Variants in VPS13C observed in about 807,000 individuals in gnomAD.
VPS13C encodes the protein vacuolar protein sorting 13 homolog C.
VPS13C carries 358 observed loss-of-function variants against 456.8 expected under a neutral mutation model. That is an observed-to-expected ratio of 0.78 (90% CI 0.72 to 0.86). VPS13C has a LOEUF of 0.86. Among genes scored for constraint, VPS13C ranks in the 40% least tolerant of loss-of-function variants. VPS13C has a pLI of 0.00. For missense variants in VPS13C, 4,818 were observed against 4,385.4 expected (o/e 1.10, Z -2.79); for synonymous variants, 1,578 against 1,486.7 (o/e 1.06, Z -1.41).
In VPS13C at chr15:61,925,496, T is replaced by C. The variant is rs2140200650; in HGVS notation, c.6569A>G (p.Lys2190Arg). ...FMEKCTWASG[K>R]QNINIMVKEF... is the part of the protein sequence containing the mutation. The stretch of plus-strand genomic sequence containing the variant: ...TTTAACCATAATATTTATATTTTGC[T>C]TTCCTGAAGCCCACGTACATTTTTC... Residue 2190 changes from lysine (K) to arginine (R), a missense_variant, in exon 53 of 85, where the codon AAG becomes AGG. Lys to Arg is a conservative substitution (Grantham distance 26). Coordinates refer to ENST00000644861, the MANE Select transcript of VPS13C (RefSeq NM_020821.3). The C allele has an allele frequency of 6.2e-7, 1 of 1,604,662 alleles. No homozygotes were observed. The highest frequency in any genetic ancestry group is 1.7e-5 in the Admixed American group (1 of 58,878).
chr15:61,882,924 A>G (rs993671128), intron 68 of VPS13C, among the ~76,000 whole-genome samples, 188 bp from the exon 69 acceptor site: 3 of 152,152 alleles, frequency 2.0e-5, no homozygotes, highest in Non-Finnish European at 1.5e-5. Context: ...AGTTATTAGA[A>G]AAAAAAGATC....
Position 61,917,653 on chromosome 15 carries a change from A to C in VPS13C, c.7761-18T>G. The C allele has an allele frequency of 6.2e-7, 1 of 1,601,664 alleles. No individual in the cohort carries two copies. The highest frequency in any genetic ancestry group is 1.1e-5 in the South Asian group (1 of 89,940). Reference sequence around the variant, plus strand: ...ATTGACATCTGCAGAAAGAGGAAACAGTGACAATAAAGTTTTGATCCACAA... The same window carrying C: ...ATTGACATCTGCAGAAAGAGGAAACCGTGACAATAAAGTTTTGATCCACAA... On this transcript the variant is annotated intron_variant, in intron 59 of 84. Coordinates refer to ENST00000644861, the MANE Select transcript of VPS13C (RefSeq NM_020821.3).
chr15:61,975,805 C>T (rs2045685574), intron 24 of VPS13C, among the ~76,000 whole-genome samples: 1 of 151,918 alleles, frequency 6.6e-6, no homozygotes, highest in Admixed American at 6.6e-5. Context: ...GACCAATATC[C>T]CTCACTAACA....
At chr15:61,916,048 G>C in intron 60 of VPS13C, 26 bp from the exon 61 acceptor site, 1 of 1,527,702 alleles carries the variant, frequency 6.5e-7, no homozygotes, top group Non-Finnish European at 8.8e-7. Flanking sequence ...AATTCGCTGA[G>C]TAACTTTTTA....
At chr15:62,029,047 G>A (rs185425648) in intron 5 of VPS13C, among the ~76,000 whole-genome samples, 37 of 152,058 alleles carry the variant, frequency 2.4e-4, no homozygotes, top group South Asian at 6.2e-4. Context: ...TTACACCCCC[G>A]CTGGCTATGG....
At position 61,867,748 on chromosome 15, in the gene VPS13C, G is replaced by T; in HGVS notation, c.10863+911C>A. On this transcript the variant is annotated intron_variant, in intron 81 of 84. Transcript: ENST00000644861. The surrounding 1 kb of genome is among the most constrained non-coding windows in gnomAD (Gnocchi z 5.0). ...CTCTTATTTCTGGACAGTATTACCAGGAATACCACAAGTTTTTATTTGTAG... is the reference window on the plus strand; with the variant it reads ...CTCTTATTTCTGGACAGTATTACCATGAATACCACAAGTTTTTATTTGTAG... 1 of 1,467,420 alleles carries T rather than the reference G, an allele frequency of 6.8e-7. No individual in the cohort carries two copies. 90.9% of individuals were successfully genotyped at this position (1,467,420 alleles called of 1,614,324 possible).
Position 62,023,421 on chromosome 15 carries a change from T to C in VPS13C, c.614A>G (p.Tyr205Cys). ...ATAAAAATTACTTACATCATCTTCA[T>C]ATTTAATGTGAATATCTGTGATTTT... ...QVKITDIHIK[Y>C]EDDVTDPKRP... The change falls in exon 8 of 85, where the codon TAT (tyrosine) becomes TGT (cysteine). Residue 205 changes from tyrosine (Y) to cysteine (C), a missense_variant. Physicochemically the swap from Tyr to Cys is radical, Grantham distance 194 (BLOSUM62 -2). Transcript: ENST00000644861. 1.3e-6 allele frequency: 2 copies of C among 1,513,784 alleles called. No individual in the cohort carries two copies. The highest frequency in any genetic ancestry group is 1.3e-5 in the South Asian group (1 of 77,232). 93.8% of individuals were successfully genotyped at this position (1,513,784 alleles called of 1,614,324 possible).
rs189325374 is a variant in VPS13C at position 61,922,829 on chromosome 15, T to A, written c.6610-67A>T. The A allele has an allele frequency of 4.9e-5, 60 of 1,223,226 alleles. 1 individual carries two copies. The Admixed American group carries it at 1.2e-3, about 24-fold the overall frequency. The allele number at this position is 1,223,226 out of a possible 1,614,324, so 75.8% of individuals were successfully genotyped here. A position where few individuals can be genotyped will look rare whatever the true frequency, so the allele number is the denominator to read the frequency against. ...TCCCAGATGAGAATATATACATACA[T>A]GATTTTAAGTGACATACATTAATTA... On this transcript the variant is annotated intron_variant, in intron 53 of 84. Coordinates refer to ENST00000644861, the MANE Select transcript of VPS13C (RefSeq NM_020821.3).
At chr15:61,918,046 C>A in intron 59 of VPS13C, 90 bp downstream of exon 59, 3 of 1,353,910 alleles carry the variant, frequency 2.2e-6, no homozygotes, top group Non-Finnish European at 3.0e-6. Context: ...TTTTACTGAT[C>A]TTTAGTTAAT....
chr15:62,049,581 C>T (rs886607227), intron 1 of VPS13C, among the ~76,000 whole-genome samples: 2 of 152,070 alleles, frequency 1.3e-5, no homozygotes, highest in South Asian at 2.1e-4. Context: ...GACTTGGCAA[C>T]ATGGGCTCTT....
chr15:62,029,208 C>A (rs1301208583), intron 5 of VPS13C, among the ~76,000 whole-genome samples: 1 of 151,954 alleles, frequency 6.6e-6, no homozygotes, highest in East Asian at 1.9e-4. Flanking sequence ...AAAAATAGCA[C>A]CTATATCAAA....
chr15:61,950,336 T>C (rs769913469), intron 41 of VPS13C, 22 bp downstream of exon 41: 32 of 1,586,662 alleles, frequency 2.0e-5, no homozygotes, highest in Non-Finnish European at 2.3e-5. Context: ...CCCAACCTTA[T>C]AGCAAATTAT....
chr15:61,882,294 G>A (rs923621915), intron 69 of VPS13C, among the ~76,000 whole-genome samples: 6 of 152,104 alleles, frequency 3.9e-5, no homozygotes, highest in Admixed American at 1.3e-4. Context: ...TCTCTGTCCT[G>A]AATGACGACA....
chr15:61,950,562 A>C (rs569354255), intron 40 of VPS13C, 145 bp from the exon 41 acceptor site: 83 of 689,596 alleles, frequency 1.2e-4, no homozygotes, highest in Non-Finnish European at 1.6e-4. Context: ...ATTCAAAAAA[A>C]AAAAACAAAA....
intron 83 of VPS13C, 89 bp from the exon 84 acceptor site, chr15:61,855,043 C>G (rs764525168): frequency 6.7e-6 from 7 of 1,047,840 alleles, no homozygotes; most frequent in South Asian, 1.7e-5. Context: ...AATGTCAACT[C>G]TATCTTATAA....
chr15:61,962,335 A>C, intron 34 of VPS13C, 36 bp downstream of exon 34: 1 of 1,533,110 alleles, frequency 6.5e-7, no homozygotes, highest in South Asian at 1.3e-5. Context: ...AAAATATTTC[A>C]AAGTTGAAAA....
At chr15:61,866,901 G>C (rs532680633) in intron 81 of VPS13C, 2 of 983,284 alleles carry the variant, frequency 2.0e-6, no homozygotes, top group African/African-American at 3.5e-5. Context: ...TTAAATCTAA[G>C]TTTATACTTT....
intron 57 of VPS13C, 101 bp downstream of exon 57, chr15:61,919,966 T>C: frequency 3.4e-6 from 4 of 1,164,754 alleles, no homozygotes; most frequent in Non-Finnish European, 4.6e-6. Context: ...AAATGTTGTA[T>C]CTCCAGATAT....
At chr15:62,043,370 C>T (rs1278822603) in intron 2 of VPS13C, among the ~76,000 whole-genome samples, 1 of 152,186 alleles carries the variant, frequency 6.6e-6, no homozygotes, top group African/African-American at 2.4e-5. Context: ...CTTTGGGAGG[C>T]CAAGGCAGGC....
Sources: gnomAD v4.1 joint callset for allele counts (sites outside exome capture counted in the v4.1 genomes callset) on GRCh38, gnomAD v4.1.1 for gene constraint, Gnocchi (gnomAD v3.1) non-coding constraint, MANE v1.5 for transcripts, NCBI Gene and HGNC (gene_info 2026-07-23, HGNC 2026-07-21) for gene names.